EFCAB13: variants seen among roughly 807,000 people sequenced by gnomAD.
EFCAB13 encodes EF-hand calcium binding domain 13.
In EFCAB13, 91 loss-of-function variants were observed where a neutral mutation model predicts 110.2. That is an observed-to-expected ratio of 0.83 (90% CI 0.70 to 0.98). The LOEUF is 0.98. Among genes scored for constraint, EFCAB13 ranks in the 50% least tolerant of loss-of-function variants. The probability of loss-of-function intolerance (pLI) is 0.00; values close to 1 mark genes in which losing one functional copy is unlikely to be tolerated. For missense variants in EFCAB13, 968 were observed against 1,119.4 expected, an observed-to-expected ratio of 0.86 and a Z score of 1.93; for synonymous variants, 323 against 369.9, an observed-to-expected ratio of 0.87 and a Z score of 1.45.
chr17:47,362,033 G>A (rs987127702), intron 10 of EFCAB13, among the ~76,000 whole-genome samples: 4 of 152,076 alleles, frequency 2.6e-5, no homozygotes, highest in African/African-American at 9.7e-5. Flanking sequence ...ATCATAATTA[G>A]TGATTAATTG....
At chr17:47,405,888 C>G (rs1400946674) in intron 20 of EFCAB13, among the ~76,000 whole-genome samples, 1 of 151,308 alleles carries the variant, frequency 6.6e-6, no homozygotes, top group African/African-American at 2.4e-5. Flanking sequence ...TTTCTAATTT[C>G]TTGTTTAAAT....
At position 47,423,584 on chromosome 17, in the gene EFCAB13, G is replaced by C. The variant is rs569849420; in HGVS notation, c.2495-6234G>C. ...TGCCGAGGGAACGCCTTTGTGCCCG[G>C]TCCTGGGAACCCGCGACGGCCGCCG... On this transcript the variant is annotated intron_variant, in intron 23 of 24. Coordinates refer to ENST00000331493, the MANE Select transcript of EFCAB13 (RefSeq NM_152347.5). 1.9e-3 allele frequency: 643 copies of C among 332,662 alleles called. 2 individuals are homozygous for C. Among genetic ancestry groups the C allele is most frequent in the African/African-American group, 0.013 (610 of 46,392 alleles). The allele number at this position is 332,662 out of a possible 1,614,324, so 20.6% of individuals were successfully genotyped here.
intron 10 of EFCAB13, 82 bp from the exon 11 acceptor site, chr17:47,370,355 G>A: frequency 2.1e-6 from 2 of 956,160 alleles, no homozygotes; most frequent in Non-Finnish European, 3.3e-6. Context: ...CACACATTCT[G>A]TGTTGTTTTC....
chr17:47,340,071 T>C (rs1301547137), intron 5 of EFCAB13: 1 of 152,230 alleles, frequency 6.6e-6, no homozygotes, highest in African/African-American at 2.4e-5. Flanking sequence ...TTCAGGGAAT[T>C]AAACTGCATC....
chr17:47,414,422 T>C (rs945348004), intron 22 of EFCAB13, among the ~76,000 whole-genome samples: 22 of 150,100 alleles, frequency 1.5e-4, no homozygotes, highest in African/African-American at 4.7e-4. Flanking sequence ...CTTTCAAAAA[T>C]AGGCATGCAG....
chr17:47,440,353 G>A, intron 24 of EFCAB13, 78 bp from the exon 25 acceptor site: 1 of 1,369,740 alleles, frequency 7.3e-7, no homozygotes, highest in Non-Finnish European at 9.7e-7. Context: ...GTTATAATTT[G>A]ACTATTAGCT....
At chr17:47,437,886 T>G (rs1905242064) in intron 24 of EFCAB13, among the ~76,000 whole-genome samples, 3 of 152,230 alleles carry the variant, frequency 2.0e-5, no homozygotes, top group Non-Finnish European at 4.4e-5. Context: ...CCTGTGTAAT[T>G]TGTGCTTAAA....
chr17:47,426,035 T>A (rs1904944603), intron 23 of EFCAB13, among the ~76,000 whole-genome samples: 1 of 152,156 alleles, frequency 6.6e-6, no homozygotes, highest in Admixed American at 6.5e-5. Context: ...ATGACCAAGG[T>A]AGGCCAGTCA....
At chr17:47,377,638 C>A in intron 12 of EFCAB13, 128 bp from the exon 13 acceptor site, 1 of 718,174 alleles carries the variant, frequency 1.4e-6, no homozygotes, top group Non-Finnish European at 2.1e-6. Context: ...GAAAAGCAGT[C>A]TTATAAAATC....
chr17:47,336,322 C>T (rs1330691804), intron 5 of EFCAB13, among the ~76,000 whole-genome samples: 1 of 148,128 alleles, frequency 6.8e-6, no homozygotes, highest in Non-Finnish European at 1.5e-5. Flanking sequence ...AATGGAGTCT[C>T]GCTGTGTTGC....
At chr17:47,416,215 A>G (rs1281364724) in intron 23 of EFCAB13, among the ~76,000 whole-genome samples, 1 of 152,118 alleles carries the variant, frequency 6.6e-6, no homozygotes, top group Non-Finnish European at 1.5e-5. Context: ...CAACCATCAC[A>G]ACTTTCTAAT....
intron 15 of EFCAB13, among the ~76,000 whole-genome samples, chr17:47,392,003 C>T (rs2065710944): frequency 6.6e-6 from 1 of 151,992 alleles, no homozygotes; most frequent in Admixed American, 6.6e-5. Flanking sequence ...AGTATCTGTG[C>T]CCATATAACC....
chr17:47,351,633 G>T (rs1310748286), intron 9 of EFCAB13, among the ~76,000 whole-genome samples: 1 of 151,976 alleles, frequency 6.6e-6, no homozygotes, highest in African/African-American at 2.4e-5. Context: ...AGGATTATTT[G>T]TTGCTTTTGT....
At chr17:47,335,491 C>T in intron 5 of EFCAB13, 135 bp downstream of exon 5, 1 of 659,816 alleles carries the variant, frequency 1.5e-6, no homozygotes, top group Non-Finnish European at 2.3e-6. Context: ...GTCATTCTTT[C>T]AGTAGCATAA....
chr17:47,348,596 C>G lies in EFCAB13; in HGVS notation c.661+645C>G, dbSNP rs555706377. Among the ~76,000 whole-genome samples, 8 of 151,972 alleles carry G rather than the reference C, an allele frequency of 5.3e-5. No homozygotes were observed. In the South Asian group the frequency reaches 1.5e-3, roughly 28 times the overall value. On this transcript the variant is annotated intron_variant, in intron 9 of 24. Transcript: ENST00000331493. ...ACTGCTTTTTTTGTATGCTCTTGCT[C>G]TTGCCACCCTTGAATTGATCGCCTT...
intron 10 of EFCAB13, among the ~76,000 whole-genome samples, chr17:47,364,800 T>G (rs1301963297): frequency 6.6e-6 from 1 of 152,330 alleles, no homozygotes; most frequent in East Asian, 1.9e-4. Context: ...AATAACTCTT[T>G]TAGTGTGGTT....
At chr17:47,372,380 A>G (rs1038011981) in intron 11 of EFCAB13, among the ~76,000 whole-genome samples, 56 of 152,250 alleles carry the variant, frequency 3.7e-4, no homozygotes, top group African/African-American at 1.3e-3. Flanking sequence ...TTCTGCATTT[A>G]TAATTTTTGA....
intron 17 of EFCAB13, among the ~76,000 whole-genome samples, chr17:47,397,383 C>T (rs1465915541): frequency 2.6e-5 from 4 of 152,142 alleles, no homozygotes; most frequent in African/African-American, 9.7e-5. Context: ...TCCCAGCCGC[C>T]TGCCTTGGCC....
chr17:47,372,050 A>G (rs1160529394), intron 11 of EFCAB13, among the ~76,000 whole-genome samples: 1 of 152,104 alleles, frequency 6.6e-6, no homozygotes, highest in Non-Finnish European at 1.5e-5. Flanking sequence ...ATGGCACTTT[A>G]TGTCTTTTCT....
Sources: gnomAD v4.1 joint callset for allele counts (sites outside exome capture counted in the v4.1 genomes callset) on GRCh38, gnomAD v4.1.1 for gene constraint, MANE v1.5 for transcripts, NCBI Gene and HGNC (gene_info 2026-07-23, HGNC 2026-07-21) for gene names.